The following HMGB1 variants were observed in gnomAD, a reference collection of about 807,000 sequenced individuals.
HMGB1 encodes the protein high mobility group protein B1.
For synonymous variants in HMGB1, 81 were observed against 84.0 expected, an observed-to-expected ratio of 0.96 and a Z score of 0.19; for missense variants, 79 against 253.5, an observed-to-expected ratio of 0.31 and a Z score of 4.67.
intron 1 of HMGB1, among the ~76,000 whole-genome samples, chr13:30,495,590 C>T (rs903069663): frequency 2.0e-5 from 3 of 151,932 alleles, no homozygotes; most frequent in African/African-American, 4.8e-5. Flanking sequence ...ACCATTCTCC[C>T]GCCTCAGCCT....
chr13:30,491,153 C>T (rs576349637), intron 1 of HMGB1, among the ~76,000 whole-genome samples: 171 of 152,142 alleles, frequency 1.1e-3, no homozygotes, highest in African/African-American at 3.9e-3. Flanking sequence ...CTCAGCCTCC[C>T]GAGTAGCTGG....
chr13:30,534,714 A>T (rs1040932257), intron 1 of HMGB1, among the ~76,000 whole-genome samples: 1 of 144,818 alleles, frequency 6.9e-6, no homozygotes, highest in East Asian at 2.0e-4. Context: ...AGCAGCTGGG[A>T]TTATGGGCAT....
At chr13:30,467,326 T>G (rs536371634), upstream of HMGB1, among the ~76,000 whole-genome samples, 10 of 152,376 alleles carry the variant, frequency 6.6e-5, no homozygotes, top group South Asian at 2.1e-3. Flanking sequence ...TCGTGTTAAT[T>G]TGATTTTTTA....
At chr13:30,519,032 C>T (rs1888165324) in intron 1 of HMGB1, among the ~76,000 whole-genome samples, 1 of 151,986 alleles carries the variant, frequency 6.6e-6, no homozygotes, top group African/African-American at 2.4e-5. Context: ...CCCAAATAAA[C>T]ATTCTCTAGA....
intron 1 of HMGB1, among the ~76,000 whole-genome samples, chr13:30,515,510 C>A (rs917195428): frequency 6.6e-6 from 1 of 152,180 alleles, no homozygotes; most frequent in African/African-American, 2.4e-5. Flanking sequence ...TTTAACATTA[C>A]ATTCAATAAA....
At chr13:30,557,799 G>A (rs1272303259) in intron 1 of HMGB1, among the ~76,000 whole-genome samples, 1 of 152,180 alleles carries the variant, frequency 6.6e-6, no homozygotes, top group East Asian at 1.9e-4. Flanking sequence ...CTCACCTAAA[G>A]AGTTATATGA....
rs932932217 is a variant in HMGB1, at chr13:30,457,816, C to T, written c.*3541G>A. 2.0e-5 allele frequency: 3 copies of T among 152,094 alleles called. No homozygotes were observed. The highest frequency in any genetic ancestry group is 7.2e-5 in the African/African-American group (3 of 41,398). The allele number at this position is 152,094 out of a possible 1,614,324, so 9.4% of individuals were successfully genotyped here. ...ACTCTGGGAGCAATGTGGCATAGACCCATGGAATTTCCCAAGTTGTGGCAA... is the reference window on the plus strand; with the variant it reads ...ACTCTGGGAGCAATGTGGCATAGACTCATGGAATTTCCCAAGTTGTGGCAA... On this transcript the variant is annotated 3_prime_UTR_variant, in exon 5 of 5. Transcript: ENST00000341423.
chr13:30,500,250 C>T (rs1426638954), intron 1 of HMGB1, among the ~76,000 whole-genome samples: 2 of 152,188 alleles, frequency 1.3e-5, no homozygotes, highest in African/African-American at 4.8e-5. Flanking sequence ...GACTACCTGG[C>T]CTCCTGAACC....
At chr13:30,529,553 A>T (rs1888450069) in intron 1 of HMGB1, among the ~76,000 whole-genome samples, 1 of 152,196 alleles carries the variant, frequency 6.6e-6, no homozygotes. Context: ...AGTTCCATGA[A>T]ATCCCTTAGG....
chr13:30,569,288 T>G (rs1049325667), intron 1 of HMGB1, among the ~76,000 whole-genome samples: 2 of 152,216 alleles, frequency 1.3e-5, no homozygotes, highest in African/African-American at 4.8e-5. Context: ...GACAGGCCCA[T>G]TTCAAACTTG....
chr13:30,555,677 A>G (rs1869656287), intron 1 of HMGB1, among the ~76,000 whole-genome samples: 1 of 152,242 alleles, frequency 6.6e-6, no homozygotes, highest in African/African-American at 2.4e-5. Context: ...CCGCATTTCC[A>G]TAATATATTG....
intron 1 of HMGB1, among the ~76,000 whole-genome samples, chr13:30,616,077 G>C (rs1420454052): frequency 1.3e-5 from 2 of 152,146 alleles, no homozygotes; most frequent in Admixed American, 6.5e-5. Context: ...TTCTCAACTT[G>C]GGACCGTTAC....
intron 1 of HMGB1, chr13:30,464,572 T>C (rs941335387): frequency 1.0e-3 from 1,001 of 983,598 alleles, no homozygotes; most frequent in Non-Finnish European, 1.2e-3. Flanking sequence ...CGGCAGGCCC[T>C]GCAGGCCCGC....
chr13:30,502,483 A>G (rs1887754948), intron 1 of HMGB1, among the ~76,000 whole-genome samples: 3 of 152,170 alleles, frequency 2.0e-5, no homozygotes, highest in Admixed American at 2.0e-4. Context: ...AGAAAACCTT[A>G]CATAGGATTT....
chr13:30,606,104 A>G (rs1346117853), intron 1 of HMGB1, among the ~76,000 whole-genome samples: 1 of 152,236 alleles, frequency 6.6e-6, no homozygotes, highest in Non-Finnish European at 1.5e-5. Context: ...TTTGGTCTCT[A>G]TTAATAATGA....
intron 1 of HMGB1, among the ~76,000 whole-genome samples, chr13:30,603,122 T>A (rs1950419582): frequency 6.6e-6 from 1 of 152,182 alleles, no homozygotes; most frequent in South Asian, 2.1e-4. Context: ...TTGTTTTAAA[T>A]TTTCCTCTGT....
intron 1 of HMGB1, among the ~76,000 whole-genome samples, chr13:30,607,852 A>G (rs1950475332): frequency 6.6e-6 from 1 of 152,180 alleles, no homozygotes; most frequent in Admixed American, 6.5e-5. Context: ...AATTACCATG[A>G]AACGATTTTA....
intron 1 of HMGB1, among the ~76,000 whole-genome samples, chr13:30,568,023 C>G (rs1022117432): frequency 6.6e-6 from 1 of 152,158 alleles, no homozygotes; most frequent in African/African-American, 2.4e-5. Flanking sequence ...TGACAACATA[C>G]GGGCAGTGAA....
intron 1 of HMGB1, among the ~76,000 whole-genome samples, chr13:30,523,584 T>C (rs562171644): frequency 3.3e-5 from 5 of 152,268 alleles, no homozygotes; most frequent in African/African-American, 1.2e-4. Flanking sequence ...CAAAATGATA[T>C]TAGGATAGGG....
Sources: allele counts gnomAD v4.1 joint callset (sites outside exome capture counted in the v4.1 genomes callset), GRCh38; gene constraint gnomAD v4.1.1; transcripts MANE v1.5; gene names NCBI Gene and HGNC (gene_info 2026-07-23, HGNC 2026-07-21).